The following FOXP1 variants were observed in gnomAD, a reference collection of about 807,000 sequenced individuals.
FOXP1 encodes the protein forkhead box protein P1.
FOXP1 carries 15 observed loss-of-function variants against 98.2 expected under a neutral mutation model. The observed-to-expected ratio is 0.15, with a 90% confidence interval of 0.10 to 0.24. The LOEUF (loss-of-function observed/expected upper bound fraction) is 0.24, where lower values mean the gene tolerates loss of function less well. Ranked by LOEUF, FOXP1 falls within the 10% of genes least tolerant of loss-of-function variation. FOXP1 has a pLI of 1.00. For missense variants in FOXP1, 633 were observed against 848.5 expected, an observed-to-expected ratio of 0.75 and a Z score of 3.15; for synonymous variants, 371 against 314.5, an observed-to-expected ratio of 1.18 and a Z score of -1.90.
intron 6 of FOXP1, among the ~76,000 whole-genome samples, chr3:71,138,155 C>A (rs886170825): frequency 6.6e-6 from 1 of 152,126 alleles, no homozygotes; most frequent in East Asian, 1.9e-4. Flanking sequence ...AACAAAGGTT[C>A]CTGTGTGCGC....
intron 3 of FOXP1, among the ~76,000 whole-genome samples, chr3:71,437,173 A>C (rs920179458): frequency 2.0e-5 from 3 of 152,144 alleles, no homozygotes; most frequent in African/African-American, 7.2e-5. Context: ...AGCACTCTGG[A>C]AGGCAGGCAG....
intron 4 of FOXP1, among the ~76,000 whole-genome samples, chr3:71,339,814 G>C (rs946209860): frequency 6.6e-6 from 1 of 152,220 alleles, no homozygotes; most frequent in African/African-American, 2.4e-5. Context: ...AGAAAGTTAA[G>C]ATACAGAATC....
At chr3:71,279,668 C>A (rs1158449791) in intron 5 of FOXP1, among the ~76,000 whole-genome samples, 3 of 151,820 alleles carry the variant, frequency 2.0e-5, no homozygotes, top group Admixed American at 2.0e-4. Flanking sequence ...AGATAAACTG[C>A]GATATATTTA....
At chr3:71,241,233 A>C (rs2067252685) in intron 5 of FOXP1, among the ~76,000 whole-genome samples, 2 of 141,162 alleles carry the variant, frequency 1.4e-5, no homozygotes, top group Non-Finnish European at 3.1e-5. Context: ...AAAACAAAAC[A>C]AAAAAACAAA....
chr3:71,324,968 T>G (rs1266673434), intron 4 of FOXP1, among the ~76,000 whole-genome samples: 1 of 151,882 alleles, frequency 6.6e-6, no homozygotes, highest in East Asian at 1.9e-4. Context: ...CCCACCCAGC[T>G]GCCATTTGGG....
intron 14 of FOXP1, among the ~76,000 whole-genome samples, chr3:70,986,114 C>T (rs1282000671): frequency 6.6e-6 from 1 of 152,110 alleles, no homozygotes; most frequent in African/African-American, 2.4e-5. Flanking sequence ...GAAAGTAAAA[C>T]ATTTTTTTTT....
intron 2 of FOXP1, among the ~76,000 whole-genome samples, chr3:71,553,133 G>C (rs2045892220): frequency 6.6e-6 from 1 of 152,000 alleles, no homozygotes; most frequent in Admixed American, 6.6e-5. Flanking sequence ...ACAGGTACTA[G>C]AGTTACCTGT....
At chr3:71,294,270 A>G (rs1332484805) in intron 5 of FOXP1, among the ~76,000 whole-genome samples, 2 of 152,248 alleles carry the variant, frequency 1.3e-5, no homozygotes, top group Non-Finnish European at 1.5e-5. Context: ...TATGTGAATT[A>G]TATCTCAGTA....
chr3:71,328,920 G>A (rs936232633), intron 4 of FOXP1, among the ~76,000 whole-genome samples: 1 of 144,578 alleles, frequency 6.9e-6, no homozygotes, highest in South Asian at 2.3e-4. Context: ...GTGGTGAGCC[G>A]AGATCGTGCC....
rs77677568 is a variant in FOXP1, at chr3:71,320,878, G to A, written c.-72-20998C>T. On this transcript the variant is annotated intron_variant, in intron 4 of 20. Coordinates refer to ENST00000649528, the MANE Select transcript of FOXP1 (RefSeq NM_001349338.3). ...CATAGTATTTGTTCATACCTCTGAA[G>A]ATATAAGAAATGTGTCACAGCTGAT... Among the ~76,000 whole-genome samples, 1,055 of 152,240 alleles carry A rather than the reference G, an allele frequency of 6.9e-3. 9 individuals are homozygous for A. Among genetic ancestry groups the A allele is most frequent in the Middle Eastern group, 0.014 (4 of 294 alleles).
chr3:71,152,450 A>G (rs1254738530), intron 6 of FOXP1, among the ~76,000 whole-genome samples: 1 of 152,182 alleles, frequency 6.6e-6, no homozygotes, highest in Non-Finnish European at 1.5e-5. Flanking sequence ...TTTATTACGC[A>G]GCAATGGAAA....
chr3:71,560,064 G>A (rs2046422207), intron 2 of FOXP1, among the ~76,000 whole-genome samples: 1 of 152,128 alleles, frequency 6.6e-6, no homozygotes, highest in Non-Finnish European at 1.5e-5. Flanking sequence ...ATGGAAAGAG[G>A]CAGCCACCCC....
At chr3:71,316,035 G>C (rs1252104301) in intron 4 of FOXP1, among the ~76,000 whole-genome samples, 1 of 152,280 alleles carries the variant, frequency 6.6e-6, no homozygotes, top group East Asian at 1.9e-4. Context: ...GAAGTGGAGA[G>C]ATCATTTCAT....
chr3:71,320,587 G>A (rs937920490), intron 4 of FOXP1, among the ~76,000 whole-genome samples: 2 of 152,042 alleles, frequency 1.3e-5, no homozygotes, highest in Non-Finnish European at 2.9e-5. Flanking sequence ...TTTGTACACA[G>A]TACTTGTCCT....
At chr3:71,207,082 G>C (rs756257744) in intron 5 of FOXP1, among the ~76,000 whole-genome samples, 1 of 152,148 alleles carries the variant, frequency 6.6e-6, no homozygotes. Context: ...ATGGGGCCAG[G>C]TGTTCTGGGG....
chr3:71,259,831 T>G (rs1388018652), intron 5 of FOXP1, among the ~76,000 whole-genome samples: 1 of 152,170 alleles, frequency 6.6e-6, no homozygotes, highest in Non-Finnish European at 1.5e-5. Context: ...ATAAAGTCCC[T>G]TAAGACAAGT....
chr3:71,443,394 G>A (rs535794419), intron 3 of FOXP1, among the ~76,000 whole-genome samples: 1 of 152,228 alleles, frequency 6.6e-6, no homozygotes, highest in South Asian at 2.1e-4. Flanking sequence ...ATACTTTATT[G>A]TTAATGACAG....
chr3:71,280,146 A>G (rs2071379106), intron 5 of FOXP1, among the ~76,000 whole-genome samples: 1 of 142,168 alleles, frequency 7.0e-6, no homozygotes, highest in Non-Finnish European at 1.6e-5. Flanking sequence ...AAAAAAAAAA[A>G]AAATAGAATG....
intron 7 of FOXP1, among the ~76,000 whole-genome samples, chr3:71,108,483 A>G (rs2057629149): frequency 6.6e-6 from 1 of 152,218 alleles, no homozygotes; most frequent in Admixed American, 6.5e-5. Context: ...AAGAAAGCCT[A>G]TGCTGGGCAC....
Sources: gnomAD v4.1 joint callset for allele counts (sites outside exome capture counted in the v4.1 genomes callset) on GRCh38, gnomAD v4.1.1 for gene constraint, MANE v1.5 for transcripts, NCBI Gene and HGNC (gene_info 2026-07-23, HGNC 2026-07-21) for gene names.